SLC41A2: variants seen among roughly 807,000 people sequenced by gnomAD.
The protein encoded by SLC41A2 is SLC41A1-like 1.
In SLC41A2, 32 loss-of-function variants were observed where a neutral mutation model predicts 58.3. That is an observed-to-expected ratio of 0.55 (90% confidence interval 0.41 to 0.74). SLC41A2 has a LOEUF of 0.74. SLC41A2 is among the 30% of genes least tolerant of loss of function. The probability of loss-of-function intolerance (pLI) is 0.00; values close to 1 mark genes in which losing one functional copy is unlikely to be tolerated. For missense variants in SLC41A2, 514 were observed against 680.6 expected (o/e 0.76, Z 2.72); for synonymous variants, 190 against 235.0 (o/e 0.81, Z 1.75).
chr12:104,846,084 TAA>T, intron 8 of SLC41A2, 110 bp from the exon 9 acceptor site: 11 of 1,053,992 alleles, frequency 1.0e-5, no homozygotes, highest in Non-Finnish European at 1.5e-5. Flanking sequence ...TAAAACAAAA[TAA>T]AGAGTTCTTC....
chr12:104,888,925 T>C, intron 5 of SLC41A2, 108 bp downstream of exon 5: 1 of 1,148,768 alleles, frequency 8.7e-7, no homozygotes, highest in Non-Finnish European at 1.2e-6. Flanking sequence ...AGATATGTTT[T>C]TTCTGTTGTT....
chr12:104,925,735 TACATAATGAGCTATATAA>T (rs2046810987), intron 2 of SLC41A2, among the ~76,000 whole-genome samples: 1 of 152,178 alleles, frequency 6.6e-6, no homozygotes, highest in Non-Finnish European at 1.5e-5. Context: ...TTACTCCAGA[TACATAATGAGCTATATAA>T]ACATTCTGCT....
intron 10 of SLC41A2, among the ~76,000 whole-genome samples, chr12:104,827,868 A>AGAAGGG (rs1161029939): frequency 6.6e-6 from 1 of 152,176 alleles, no homozygotes; most frequent in Non-Finnish European, 1.5e-5. Context: ...ATAATGATAC[A>AGAAGGG]GAAGTGCTGG....
chr12:104,935,591 T>C (rs1310866455), intron 1 of SLC41A2, among the ~76,000 whole-genome samples: 1 of 152,146 alleles, frequency 6.6e-6, no homozygotes, highest in Non-Finnish European at 1.5e-5. Context: ...ACAAATGTTG[T>C]TATTTACTGG....
intron 4 of SLC41A2, among the ~76,000 whole-genome samples, chr12:104,891,233 A>G (rs2044949463): frequency 6.6e-6 from 1 of 152,136 alleles, no homozygotes. Flanking sequence ...AGTAAGGCAC[A>G]TAAAGACACA....
intron 10 of SLC41A2, among the ~76,000 whole-genome samples, chr12:104,820,122 T>G (rs1469332352): frequency 3.3e-5 from 5 of 152,214 alleles, no homozygotes; most frequent in Non-Finnish European, 7.4e-5. Flanking sequence ...TTCAAATACC[T>G]TCCTCCATTC....
chr12:104,861,502 A>G (rs1012218041), intron 7 of SLC41A2, 132 bp from the exon 8 acceptor site: 11 of 533,652 alleles, frequency 2.1e-5, no homozygotes, highest in Non-Finnish European at 3.2e-5. Context: ...AAAAATAAAA[A>G]TATTCAAAGT....
intron 8 of SLC41A2, among the ~76,000 whole-genome samples, chr12:104,861,027 A>G (rs1039680134): frequency 2.6e-5 from 4 of 152,224 alleles, no homozygotes; most frequent in Non-Finnish European, 4.4e-5. Flanking sequence ...ATTTTGCCAC[A>G]TTAATCTTAA....
chr12:104,862,065 C>G (rs948130496), intron 7 of SLC41A2, among the ~76,000 whole-genome samples: 4 of 152,140 alleles, frequency 2.6e-5, no homozygotes, highest in African/African-American at 9.7e-5. Flanking sequence ...GTTTCTGGGT[C>G]TGTGTAGTAT....
chr12:104,937,859 C>A (rs1289811876), intron 1 of SLC41A2, among the ~76,000 whole-genome samples: 1 of 152,146 alleles, frequency 6.6e-6, no homozygotes, highest in Non-Finnish European at 1.5e-5. Context: ...AAAAAGGAAT[C>A]ATTTGATATT....
At position 104,920,960 on chromosome 12, in the gene SLC41A2, A is replaced by AAT. The variant is rs1565902609; in HGVS notation, c.555+7012_555+7013insAT. On this transcript the variant is annotated intron_variant, in intron 2 of 10. Transcript: ENST00000258538. ...TAAAATAAAATAATAATAATAATAAAAAATTAGCTGGGTATGGTGTCACAT... is the reference window on the plus strand; with the variant it reads ...TAAAATAAAATAATAATAATAATAAAATAAATTAGCTGGGTATGGTGTCACAT... 5.3e-5 allele frequency among the ~76,000 whole-genome samples: 8 copies of AAT among 151,290 alleles called. No individual in the cohort carries two copies. The East Asian group carries it at 1.2e-3, about 22-fold the overall frequency.
chr12:104,840,403 C>T (rs2042369777), intron 10 of SLC41A2, among the ~76,000 whole-genome samples: 1 of 152,192 alleles, frequency 6.6e-6, no homozygotes, highest in African/African-American at 2.4e-5. Flanking sequence ...AAATTATATT[C>T]TAAAACAAAC....
chr12:104,846,010 T>C (rs2042587796), intron 8 of SLC41A2, 36 bp from the exon 9 acceptor site: 5 of 1,594,308 alleles, frequency 3.1e-6, no homozygotes, highest in South Asian at 2.3e-5. Flanking sequence ...GCAATCCTCA[T>C]ATTTTAAACA....
intron 1 of SLC41A2, among the ~76,000 whole-genome samples, chr12:104,954,965 A>C (rs933775828): frequency 1.3e-5 from 2 of 151,392 alleles, no homozygotes; most frequent in African/African-American, 4.9e-5. Flanking sequence ...CAGTTTTATC[A>C]AAGAACCTCG....
chr12:104,886,282 A>T lies in SLC41A2; in HGVS notation c.1027+11T>A. 1 of 1,610,948 alleles carries T rather than the reference A, an allele frequency of 6.2e-7. No homozygotes were observed. Among genetic ancestry groups the T allele is most frequent in the Non-Finnish European group, 8.5e-7 (1 of 1,178,674 alleles). On this transcript the variant is annotated intron_variant, in intron 6 of 10. Coordinates refer to ENST00000258538, the MANE Select transcript of SLC41A2 (RefSeq NM_001352171.3). ...AGACAACACACAATATTTAGTTTTA[A>T]ATCAACTTACCAAGACAGGAGTATA... is the stretch of plus-strand genomic sequence containing the variant.
chr12:104,845,346 AG>A (rs1345048093), intron 9 of SLC41A2, among the ~76,000 whole-genome samples: 1 of 152,114 alleles, frequency 6.6e-6, no homozygotes, highest in Non-Finnish European at 1.5e-5. Context: ...TATTTTCATC[AG>A]GGAAAAAAAA....
In SLC41A2 at chr12:104,939,501, C is replaced by G. The variant is rs538231806; in HGVS notation, c.-167-10807G>C. 1.7e-3 allele frequency among the ~76,000 whole-genome samples: 264 copies of G among 152,242 alleles called. 2 individuals are homozygous for G. Among genetic ancestry groups the G allele is most frequent in the African/African-American group, 5.9e-3 (247 of 41,538 alleles). ...TACAGGCACGAGCCACCATGCCCAG[C>G]CATAAAATTGCTTATTTTTAAAAAT... On this transcript the variant is annotated intron_variant, in intron 1 of 10. Transcript: ENST00000258538.
intron 2 of SLC41A2, among the ~76,000 whole-genome samples, chr12:104,920,798 C>T (rs561908772): frequency 2.0e-4 from 30 of 152,078 alleles, no homozygotes; most frequent in African/African-American, 7.0e-4. Context: ...GTGGCGGGCA[C>T]TTGTAGTCCC....
chr12:104,878,872 C>T (rs915174024), intron 6 of SLC41A2, among the ~76,000 whole-genome samples: 1 of 152,132 alleles, frequency 6.6e-6, no homozygotes, highest in Non-Finnish European at 1.5e-5. Flanking sequence ...GTTCTAGATC[C>T]TTGAGGAATC....
Sources: allele counts gnomAD v4.1 joint callset (sites outside exome capture counted in the v4.1 genomes callset), GRCh38; gene constraint gnomAD v4.1.1; transcripts MANE v1.5; gene names NCBI Gene and HGNC (gene_info 2026-07-23, HGNC 2026-07-21).